NR3C1: variants seen among roughly 807,000 people sequenced by gnomAD.
NR3C1 encodes the protein nuclear receptor subfamily 3 group C member 1.
A neutral mutation model predicts 74.0 loss-of-function variants in NR3C1; 14 were observed. The observed-to-expected ratio is 0.19, with a 90% confidence interval of 0.12 to 0.30. NR3C1 has a LOEUF of 0.30. Ranked by LOEUF, NR3C1 falls within the 10% of genes least tolerant of loss-of-function variation. The pLI is 1.00. For missense variants in NR3C1, 695 were observed against 909.8 expected, an observed-to-expected ratio of 0.76 and a Z score of 3.04; for synonymous variants, 308 against 332.5, an observed-to-expected ratio of 0.93 and a Z score of 0.80.
intron 3 of NR3C1, among the ~76,000 whole-genome samples, chr5:143,310,717 T>TAGTG (rs1272787304): frequency 6.6e-6 from 1 of 152,104 alleles, no homozygotes; most frequent in Non-Finnish European, 1.5e-5. Context: ...TGTAGTAGTG[T>TAGTG]AGTGGCATGA....
intron 2 of NR3C1, among the ~76,000 whole-genome samples, chr5:143,344,351 A>G (rs901866466): frequency 5.3e-5 from 8 of 152,326 alleles, no homozygotes; most frequent in Middle Eastern, 3.4e-3. Flanking sequence ...AATAATAGCA[A>G]AGACAACAAC....
chr5:143,316,316 T>A (rs1822068314), intron 2 of NR3C1, among the ~76,000 whole-genome samples: 1 of 152,228 alleles, frequency 6.6e-6, no homozygotes, highest in African/African-American at 2.4e-5. Context: ...ACCTGACATC[T>A]ATTTTTAGGG....
intron 1 of NR3C1, among the ~76,000 whole-genome samples, chr5:143,430,414 A>G (rs967638719): frequency 3.3e-5 from 5 of 152,200 alleles, no homozygotes; most frequent in African/African-American, 1.2e-4. Flanking sequence ...TCTCCAGTGA[A>G]GATATATTAC....
upstream of NR3C1, chr5:143,403,827 T>C: frequency 2.1e-6 from 2 of 969,124 alleles, no homozygotes. Context: ...CCGCGGTCCC[T>C]GCCCCCACGC....
chr5:143,405,421 G>T, upstream of NR3C1: 1 of 920,230 alleles, frequency 1.1e-6, no homozygotes, highest in Middle Eastern at 5.5e-4. Flanking sequence ...GCCGCCCGCC[G>T]CCATCTTGGT....
rs1283004691 is a variant in NR3C1 at position 143,344,398 on chromosome 5, T to C, written c.1185-30230A>G. 2.0e-5 allele frequency among the ~76,000 whole-genome samples: 3 copies of C among 152,192 alleles called. No homozygotes were observed. The South Asian group carries it at 6.2e-4, about 31-fold the overall frequency. ...AGTTATTATGGTCTAAGTACTTTAT[T>C]AATTCTAATTCTTACAAAAACCTTA... On this transcript the variant is annotated intron_variant, in intron 2 of 8. Coordinates refer to ENST00000394464, the MANE Select transcript of NR3C1 (RefSeq NM_000176.3).
chr5:143,279,924 A>G lies in NR3C1; in HGVS notation c.*1965T>C, dbSNP rs1812851047. ...TACATACTTTACATACTTTAGTGCAAGGGGAGATTGAGTAAACTAAACCTG... is the reference window on the plus strand; with the variant it reads ...TACATACTTTACATACTTTAGTGCAGGGGGAGATTGAGTAAACTAAACCTG... On this transcript the variant is annotated 3_prime_UTR_variant, in exon 9 of 9. Transcript: ENST00000394464. 6.5e-6 allele frequency: 1 copy of G among 152,968 alleles called. No homozygotes were observed. Among genetic ancestry groups the G allele is most frequent in the South Asian group, 2.1e-4 (1 of 4,838 alleles). 9.5% of individuals were successfully genotyped at this position (152,968 alleles called of 1,614,324 possible).
At chr5:143,316,035 A>G (rs1379481585) in intron 2 of NR3C1, among the ~76,000 whole-genome samples, 1 of 152,220 alleles carries the variant, frequency 6.6e-6, no homozygotes, top group Non-Finnish European at 1.5e-5. Flanking sequence ...CAAGGCATTC[A>G]TTCCCTGCTA....
At chr5:143,429,178 G>A (rs969271676) in intron 1 of NR3C1, among the ~76,000 whole-genome samples, 3 of 152,112 alleles carry the variant, frequency 2.0e-5, no homozygotes, top group Non-Finnish European at 4.4e-5. Context: ...CCTCACTTAT[G>A]GTAAGTGCTT....
At chr5:143,362,246 C>A (rs1478253586) in intron 2 of NR3C1, among the ~76,000 whole-genome samples, 3 of 152,150 alleles carry the variant, frequency 2.0e-5, no homozygotes, top group Non-Finnish European at 2.9e-5. Flanking sequence ...GGTGTTTTAC[C>A]CAGTCCCCAT....
intron 2 of NR3C1, among the ~76,000 whole-genome samples, chr5:143,337,351 C>A (rs1181406401): frequency 6.6e-6 from 1 of 152,026 alleles, no homozygotes; most frequent in Non-Finnish European, 1.5e-5. Flanking sequence ...AAACATTTGA[C>A]AATAAGATGT....
chr5:143,308,580 T>C (rs888425265), intron 4 of NR3C1, among the ~76,000 whole-genome samples: 2 of 152,234 alleles, frequency 1.3e-5, no homozygotes, highest in African/African-American at 4.8e-5. Flanking sequence ...TCTCTCCATG[T>C]AAGATTAGTC....
chr5:143,295,523 G>T lies in NR3C1; in HGVS notation c.1960C>A (p.His654Asn). 1 of 1,613,322 alleles carries T rather than the reference G, an allele frequency of 6.2e-7. No individual in the cohort carries two copies. The highest frequency in any genetic ancestry group is 8.5e-7 in the Non-Finnish European group (1 of 1,179,500). The stretch of plus-strand genomic sequence containing the variant: ...TCTTCATAAGATACCTGAAGCCTGT[G>T]TAACTCAGAGGAAACATACAGCATG... ...KHMLYVSSEL[H>N]RLQVSYEEYL... The change falls in exon 7 of 9, where the codon CAC becomes AAC. Residue 654 changes from histidine to asparagine, a missense_variant. By Grantham distance (68) the His-to-Asn change is moderately conservative. This residue lies in a region of NR3C1 where 133 missense variants were observed against 287.9 expected (regional missense o/e 0.46). Coordinates refer to ENST00000394464, the MANE Select transcript of NR3C1 (RefSeq NM_000176.3).
At chr5:143,287,750 TCAG>T (rs1404156499) in intron 7 of NR3C1, among the ~76,000 whole-genome samples, 1 of 152,096 alleles carries the variant, frequency 6.6e-6, no homozygotes, top group African/African-American at 2.4e-5. Context: ...ATAAAAATGA[TCAG>T]CAAAATATTA....
chr5:143,421,185 G>A (rs1751211709), intron 1 of NR3C1, among the ~76,000 whole-genome samples: 1 of 152,170 alleles, frequency 6.6e-6, no homozygotes, highest in Non-Finnish European at 1.5e-5. Context: ...GATGGCTCCT[G>A]TAGCCTCTGG....
Position 143,300,467 on chromosome 5 carries a change from TTA to T in NR3C1, c.1747+16_1747+17del. 6.2e-7 allele frequency: 1 copy of T among 1,614,128 alleles called. No individual in the cohort carries two copies. Among genetic ancestry groups the T allele is most frequent in the Non-Finnish European group, 8.5e-7 (1 of 1,179,968 alleles). ...CACAAAGGTTTATATAGTTGCTCTTTTATGTTTTGCATCTTACCTGGTATTGC... is the reference window on the plus strand; with the variant it reads ...CACAAAGGTTTATATAGTTGCTCTTTTGTTTTGCATCTTACCTGGTATTGC... On this transcript the variant is annotated intron_variant, in intron 5 of 8. Coordinates refer to ENST00000394464, the MANE Select transcript of NR3C1 (RefSeq NM_000176.3). The surrounding 1 kb of genome is among the most constrained non-coding windows in gnomAD (Gnocchi z 5.2).
rs146094538 is a variant in NR3C1, at chr5:143,311,407, T to C, written c.1352-1194A>G. ...ATGTGCACATTACGCCAATCTTGAT[T>C]TCTTTATCCCAGGTATGTCTTGTGC... is the stretch of plus-strand genomic sequence containing the variant. On this transcript the variant is annotated intron_variant, in intron 3 of 8. Coordinates refer to ENST00000394464, the MANE Select transcript of NR3C1 (RefSeq NM_000176.3). Among the ~76,000 whole-genome samples the C allele has an allele frequency of 1.0e-3, 154 of 152,358 alleles. 3 individuals carry two copies. The East Asian group carries it at 0.022, about 22-fold the overall frequency.
At chr5:143,289,056 T>C (rs959781599) in intron 7 of NR3C1, among the ~76,000 whole-genome samples, 3 of 119,232 alleles carry the variant, frequency 2.5e-5, no homozygotes, top group Non-Finnish European at 3.3e-5. Context: ...TGGGCAACAA[T>C]AGTGAGACTC....
chr5:143,339,498 C>T (rs958551585), intron 2 of NR3C1, among the ~76,000 whole-genome samples: 13 of 152,178 alleles, frequency 8.5e-5, no homozygotes, highest in Admixed American at 2.0e-4. Flanking sequence ...ATCCTTTTAA[C>T]TTTCAAGAGT....
Sources: allele counts gnomAD v4.1 joint callset (sites outside exome capture counted in the v4.1 genomes callset), GRCh38; gene constraint gnomAD v4.1.1; regional missense constraint gnomAD v4.1.1; non-coding constraint Gnocchi (gnomAD v3.1); transcripts MANE v1.5; gene names NCBI Gene and HGNC (gene_info 2026-07-23, HGNC 2026-07-21).